SPECC1: variants seen among roughly 807,000 people sequenced by gnomAD.
The protein encoded by SPECC1 is sperm antigen with calponin homology and coiled-coil domains 1, also known as cytospin-B.
In SPECC1, 62 loss-of-function variants were observed where a neutral mutation model predicts 104.1. The observed-to-expected ratio is 0.60, with a 90% CI of 0.49 to 0.74. SPECC1 has a LOEUF of 0.74. SPECC1 is among the 30% of genes least tolerant of loss of function. The pLI, the probability that SPECC1 is intolerant of heterozygous loss-of-function variation, is 0.00. For synonymous variants in SPECC1, 513 were observed against 501.6 expected (o/e 1.02, Z -0.30); for missense variants, 1,306 against 1,310.5 (o/e 1.00, Z 0.05).
chr17:20,218,631 CT>C (rs1025388077), intron 4 of SPECC1, among the ~76,000 whole-genome samples: 4 of 151,670 alleles, frequency 2.6e-5, no homozygotes, highest in Admixed American at 1.3e-4. Flanking sequence ...CTCCCTTATT[CT>C]TTTTTTCTAA....
chr17:20,107,169 A>G, intron 2 of SPECC1, among the ~76,000 whole-genome samples: 1 of 145,774 alleles, frequency 6.9e-6, no homozygotes, highest in African/African-American at 2.5e-5. Flanking sequence ...AAAAAAAAAA[A>G]GAAAAGAAAA....
chr17:20,200,658 G>A (rs935710752), intron 3 of SPECC1, among the ~76,000 whole-genome samples: 2 of 152,212 alleles, frequency 1.3e-5, no homozygotes, highest in African/African-American at 4.8e-5. Flanking sequence ...CTTCAAGGAG[G>A]TGTCGTAAGC....
intron 4 of SPECC1, among the ~76,000 whole-genome samples, chr17:20,226,341 G>A (rs2038203304): frequency 6.6e-6 from 1 of 152,098 alleles, no homozygotes; most frequent in South Asian, 2.1e-4. Context: ...TATTGTAGAG[G>A]ACAAAGCATA....
intron 3 of SPECC1, among the ~76,000 whole-genome samples, chr17:20,163,564 CT>C (rs779886420): frequency 1.7e-3 from 247 of 143,102 alleles, no homozygotes; most frequent in Admixed American, 1.7e-3. Flanking sequence ...CTCTCTCTCT[CT>C]TTTTTTTTTT....
At chr17:20,194,525 T>TTTTTTTG (rs2035896918) in intron 3 of SPECC1, among the ~76,000 whole-genome samples, 1 of 143,206 alleles carries the variant, frequency 7.0e-6, no homozygotes, top group African/African-American at 2.7e-5. Context: ...TTTTTTTTTT[T>TTTTTTTG]GAGACAGAGT....
intron 3 of SPECC1, among the ~76,000 whole-genome samples, chr17:20,124,812 T>A (rs1193452672): frequency 6.6e-6 from 1 of 152,230 alleles, no homozygotes; most frequent in African/African-American, 2.4e-5. Context: ...GCCTATTTTA[T>A]AATAAAGTGT....
intron 3 of SPECC1, among the ~76,000 whole-genome samples, chr17:20,127,331 A>G (rs149567747): frequency 8.1e-4 from 123 of 152,124 alleles, no homozygotes; most frequent in Non-Finnish European, 1.6e-3. Flanking sequence ...AGATAGATCT[A>G]GAGAGTTTTC....
chr17:20,020,019 G>A (rs568973693), intron 1 of SPECC1, among the ~76,000 whole-genome samples: 3 of 152,174 alleles, frequency 2.0e-5, no homozygotes, highest in African/African-American at 4.8e-5. Context: ...CATAGAGCTG[G>A]TGCCTATTAA....
chr17:20,073,451 A>G (rs1285545195), intron 1 of SPECC1: 1 of 152,250 alleles, frequency 6.6e-6, no homozygotes, highest in South Asian at 2.1e-4. Flanking sequence ...CACTTTGTGC[A>G]TGTATGCATG....
chr17:20,103,956 T>C (rs1029183165), intron 2 of SPECC1, among the ~76,000 whole-genome samples: 1 of 152,208 alleles, frequency 6.6e-6, no homozygotes, highest in African/African-American at 2.4e-5. Context: ...CCCCACCCTC[T>C]GCTCAGGACC....
chr17:20,029,852 C>G (rs987560668), intron 1 of SPECC1, among the ~76,000 whole-genome samples: 1 of 152,062 alleles, frequency 6.6e-6, no homozygotes, highest in Non-Finnish European at 1.5e-5. Flanking sequence ...AAAGAACTAG[C>G]TTTTGGTTTT....
At chr17:20,286,187 C>T (rs746232884) in intron 12 of SPECC1, among the ~76,000 whole-genome samples, 2 of 152,162 alleles carry the variant, frequency 1.3e-5, no homozygotes, top group African/African-American at 4.8e-5. Context: ...GCACAGCATT[C>T]AGCCCCCCAG....
At chr17:20,267,782 A>G (rs2040266730) in intron 12 of SPECC1, among the ~76,000 whole-genome samples, 5 of 152,128 alleles carry the variant, frequency 3.3e-5, no homozygotes, top group South Asian at 2.1e-4. Flanking sequence ...GAGGTTGACA[A>G]CTGCAAGTTG....
chr17:20,071,358 T>C (rs1399347489), intron 1 of SPECC1, among the ~76,000 whole-genome samples: 1 of 148,552 alleles, frequency 6.7e-6, no homozygotes, highest in African/African-American at 2.5e-5. Flanking sequence ...TATCTGGTAG[T>C]ACAAGTGGTT....
At chr17:20,231,881 C>T (rs2038603576) in intron 6 of SPECC1, 50 bp downstream of exon 6, 1 of 1,564,932 alleles carries the variant, frequency 6.4e-7, no homozygotes, top group African/African-American at 1.4e-5. Flanking sequence ...GAATTACCCG[C>T]TCCGAGGTGT....
At chr17:20,086,715 G>A (rs2047191581) in intron 1 of SPECC1, among the ~76,000 whole-genome samples, 1 of 152,174 alleles carries the variant, frequency 6.6e-6, no homozygotes, top group Non-Finnish European at 1.5e-5. Flanking sequence ...CTCCATCCAT[G>A]GGTGGGGGCT....
chr17:20,149,149 T>C (rs1290234758), intron 3 of SPECC1, among the ~76,000 whole-genome samples: 1 of 152,226 alleles, frequency 6.6e-6, no homozygotes, highest in Non-Finnish European at 1.5e-5. Context: ...GACATTTGTG[T>C]TGAACATTGT....
At chr17:20,301,223 G>C (rs542509835) in intron 13 of SPECC1, among the ~76,000 whole-genome samples, 6 of 152,246 alleles carry the variant, frequency 3.9e-5, no homozygotes, top group Middle Eastern at 3.4e-3. Context: ...GAGCACACGG[G>C]GGGAATCTTA....
intron 1 of SPECC1, among the ~76,000 whole-genome samples, chr17:20,061,894 C>G (rs370235512): frequency 1.7e-4 from 26 of 152,278 alleles, no homozygotes; most frequent in Middle Eastern, 3.4e-3. Context: ...TTGCTACTTA[C>G]TTTTCTATTT....
Sources: allele counts gnomAD v4.1 joint callset (sites outside exome capture counted in the v4.1 genomes callset), GRCh38; gene constraint gnomAD v4.1.1; transcripts MANE v1.5; gene names NCBI Gene and HGNC (gene_info 2026-07-23, HGNC 2026-07-21).